The following DAAM1 variants were observed in gnomAD, a reference collection of about 807,000 sequenced individuals.
The protein encoded by DAAM1 is disheveled-associated activator of morphogenesis 1.
DAAM1 carries 52 observed loss-of-function variants against 130.0 expected under a neutral mutation model. The observed-to-expected ratio is 0.40, with a 90% CI of 0.32 to 0.50. DAAM1 has a LOEUF of 0.50. Ranked by LOEUF, DAAM1 falls within the 20% of genes least tolerant of loss-of-function variation. The probability of loss-of-function intolerance (pLI) is 0.61; values close to 1 mark genes in which losing one functional copy is unlikely to be tolerated. For missense variants in DAAM1, 1,134 were observed against 1,303.8 expected (o/e 0.87, Z 2.01); for synonymous variants, 452 against 444.5 (o/e 1.02, Z -0.21).
rs769518508 is a variant in DAAM1, at chr14:59,363,769, A to G, written c.2813A>G (p.Glu938Gly). ...TCTGATGTTGAAGACCTTCTAGCAGAAGCTAAAGACCTGGTAAGTTTCCCC... is the reference window on the plus strand; with the variant it reads ...TCTGATGTTGAAGACCTTCTAGCAGGAGCTAAAGACCTGGTAAGTTTCCCC... ...SFSDVEDLLA[E>G]AKDLFTKAVK... is the part of the protein sequence containing the mutation. The change falls in exon 23 of 25, where the codon GAA becomes GGA. Residue 938 changes from glutamate to glycine, a missense_variant. Coordinates refer to ENST00000360909, the MANE Select transcript of DAAM1 (RefSeq NM_001270520.2). 1 of 1,613,978 alleles carries G rather than the reference A, an allele frequency of 6.2e-7. No homozygotes were observed. The highest frequency in any genetic ancestry group is 2.2e-5 in the East Asian group (1 of 44,882).
At chr14:59,215,313 A>G (rs901220470) in intron 1 of DAAM1, among the ~76,000 whole-genome samples, 1 of 152,272 alleles carries the variant, frequency 6.6e-6, no homozygotes, top group East Asian at 1.9e-4. Flanking sequence ...CCCCTGAGTT[A>G]TTAACAATTC....
Position 59,368,974 on chromosome 14 carries a change from AGTGAATGT to A in DAAM1, c.*121_*128del. 1.2e-6 allele frequency: 1 copy of A among 861,236 alleles called. No homozygotes were observed. The highest frequency in any genetic ancestry group is 1.8e-6 in the Non-Finnish European group (1 of 562,298). 53.3% of individuals were successfully genotyped at this position (861,236 alleles called of 1,614,324 possible). Reference sequence around the variant, plus strand: ...GTGGCAATTTTTTCCTTCATCTGTGAGTGAATGTGTGAACGTGTGTATGTAAATGTATG... The same window carrying A: ...GTGGCAATTTTTTCCTTCATCTGTGAGTGAACGTGTGTATGTAAATGTATG... On this transcript the variant is annotated 3_prime_UTR_variant, in exon 25 of 25. Coordinates refer to ENST00000360909, the MANE Select transcript of DAAM1 (RefSeq NM_001270520.2).
At chr14:59,234,859 T>C (rs1889240668) in intron 1 of DAAM1, among the ~76,000 whole-genome samples, 1 of 152,204 alleles carries the variant, frequency 6.6e-6, no homozygotes. Flanking sequence ...TGAATGGATG[T>C]TGAATTTTAT....
At chr14:59,348,457 C>T (rs1050179265) in intron 17 of DAAM1, among the ~76,000 whole-genome samples, 1 of 152,186 alleles carries the variant, frequency 6.6e-6, no homozygotes, top group Non-Finnish European at 1.5e-5. Context: ...CTTAACTTTT[C>T]TGTGCTCTGT....
At chr14:59,290,759 G>A (rs556919744) in intron 2 of DAAM1, among the ~76,000 whole-genome samples, 8 of 152,130 alleles carry the variant, frequency 5.3e-5, no homozygotes, top group African/African-American at 9.7e-5. Flanking sequence ...CACCACACTC[G>A]GCCTTTGTCT....
chr14:59,317,618 A>G (rs992081073), intron 4 of DAAM1, among the ~76,000 whole-genome samples: 2 of 152,176 alleles, frequency 1.3e-5, no homozygotes, highest in African/African-American at 4.8e-5. Context: ...AATCAGCAGC[A>G]ACTACTACAT....
At chr14:59,340,248 T>A in intron 16 of DAAM1, 68 bp downstream of exon 16, 3 of 1,452,144 alleles carry the variant, frequency 2.1e-6, no homozygotes, top group Non-Finnish European at 1.9e-6. Context: ...CAAAACCACA[T>A]GTTAGTGATT....
intron 16 of DAAM1, among the ~76,000 whole-genome samples, chr14:59,343,103 C>T (rs551925628): frequency 9.9e-5 from 15 of 152,264 alleles, no homozygotes; most frequent in Admixed American, 9.2e-4. Flanking sequence ...GAGAATTCCT[C>T]CTAGGATGTG....
intron 2 of DAAM1, among the ~76,000 whole-genome samples, chr14:59,279,697 A>G (rs1036967243): frequency 6.6e-6 from 1 of 152,160 alleles, no homozygotes; most frequent in African/African-American, 2.4e-5. Context: ...TTTCTTAGAG[A>G]AGATTTACAA....
At chr14:59,326,480 AT>A (rs200254943) in intron 10 of DAAM1, 29 bp from the exon 11 acceptor site, 8 of 1,556,190 alleles carry the variant, frequency 5.1e-6, no homozygotes, top group African/African-American at 1.4e-5. Context: ...CAACTTGAAG[AT>A]TTTTTTTCAC....
At chr14:59,237,462 A>G (rs1368214923) in intron 1 of DAAM1, among the ~76,000 whole-genome samples, 1 of 152,204 alleles carries the variant, frequency 6.6e-6, no homozygotes, top group East Asian at 1.9e-4. Flanking sequence ...TAAACAATAT[A>G]GGATTGCATT....
rs372608171 is a variant in DAAM1, at chr14:59,263,431, C to G, written c.-37-10C>G. 3 of 1,609,328 alleles carry G rather than the reference C, an allele frequency of 1.9e-6. No homozygotes were observed. Among genetic ancestry groups the G allele is most frequent in the Non-Finnish European group, 2.6e-6 (3 of 1,176,132 alleles). ...TGTACTCTTAACCATGTCATATCCT[C>G]TTTTTGCAGCGTTTAGTCACATCAA... On this transcript the variant is annotated splice_polypyrimidine_tract_variant and intron_variant, in intron 1 of 24. Coordinates refer to ENST00000360909, the MANE Select transcript of DAAM1 (RefSeq NM_001270520.2).
intron 23 of DAAM1, among the ~76,000 whole-genome samples, chr14:59,364,849 C>T (rs1488570364): frequency 6.7e-6 from 1 of 150,132 alleles, no homozygotes; most frequent in Non-Finnish European, 1.5e-5. Flanking sequence ...TGTCAGAGGT[C>T]CAACCTCTGA....
intron 1 of DAAM1, among the ~76,000 whole-genome samples, chr14:59,244,338 A>C (rs1338723000): frequency 2.0e-5 from 3 of 151,016 alleles, no homozygotes; most frequent in Non-Finnish European, 2.9e-5. Context: ...CAGAATATTC[A>C]CTCTTGCTTG....
At chr14:59,326,853 T>C in intron 11 of DAAM1, 80 bp from the exon 12 acceptor site, 1 of 1,582,690 alleles carries the variant, frequency 6.3e-7, no homozygotes, top group Non-Finnish European at 8.6e-7. Flanking sequence ...CAGTAGACTA[T>C]TTTTGTACCT....
At chr14:59,359,281 G>C in intron 20 of DAAM1, 116 bp from the exon 21 acceptor site, 5 of 778,642 alleles carry the variant, frequency 6.4e-6, no homozygotes. Context: ...TAGCATTATT[G>C]TGGGTTCTAC....
chr14:59,267,060 G>A (rs976870152), intron 2 of DAAM1, among the ~76,000 whole-genome samples: 5 of 152,194 alleles, frequency 3.3e-5, no homozygotes, highest in African/African-American at 1.2e-4. Flanking sequence ...GATAATTCTA[G>A]TGTCTTCTAG....
intron 23 of DAAM1, among the ~76,000 whole-genome samples, chr14:59,364,971 T>G (rs1316785800): frequency 6.6e-6 from 1 of 152,184 alleles, no homozygotes; most frequent in African/African-American, 2.4e-5. Context: ...AGTTTGTGCT[T>G]CATAAAGGAA....
chr14:59,243,404 C>G (rs1423207781), intron 1 of DAAM1, among the ~76,000 whole-genome samples: 1 of 152,138 alleles, frequency 6.6e-6, no homozygotes, highest in Non-Finnish European at 1.5e-5. Context: ...GTCTAGGACC[C>G]TTTTGAATAC....
Sources: allele counts gnomAD v4.1 joint callset (sites outside exome capture counted in the v4.1 genomes callset), GRCh38; gene constraint gnomAD v4.1.1; transcripts MANE v1.5; gene names NCBI Gene and HGNC (gene_info 2026-07-23, HGNC 2026-07-21).